The following TNS1 variants were observed in gnomAD, a reference collection of about 807,000 sequenced individuals.
TNS1 encodes the protein tensin 1.
Under a neutral mutation model 168.6 loss-of-function variants are expected in TNS1, and 62 were observed. The ratio of observed to expected loss-of-function variants is 0.37; its 90% CI spans 0.30 to 0.45. The LOEUF (loss-of-function observed/expected upper bound fraction) is 0.45. Ranked by LOEUF, TNS1 falls within the 20% of genes least tolerant of loss-of-function variation. The pLI is 1.00. For synonymous variants in TNS1, 934 were observed against 933.2 expected (o/e 1.00, Z -0.02); for missense variants, 2,240 against 2,339.4 (o/e 0.96, Z 0.88).
intron 3 of TNS1, among the ~76,000 whole-genome samples, chr2:217,956,950 A>G (rs1681821816): frequency 6.6e-6 from 1 of 152,222 alleles, no homozygotes; most frequent in South Asian, 2.1e-4. Flanking sequence ...CTGGGACGTG[A>G]CTTTCCCAGC....
chr2:217,893,395 C>CGT lies in TNS1; in HGVS notation c.717+43_717+44insAC, dbSNP rs760440155. 179 of 1,515,886 alleles carry CGT rather than the reference C, an allele frequency of 1.2e-4. 1 individual carries two copies. The African/African-American group carries it at 2.0e-3, about 17-fold the overall frequency. 93.9% of individuals were successfully genotyped at this position (1,515,886 alleles called of 1,614,324 possible). The stretch of plus-strand genomic sequence containing the variant: ...GCACACACACATGTGCGCATGTGCG[C>CGT]GCGCGCACACACACACACACACACA... On this transcript the variant is annotated intron_variant, in intron 10 of 32. Coordinates refer to ENST00000682258, the MANE Select transcript of TNS1 (RefSeq NM_001387777.1).
chr2:217,870,165 C>G (rs1046741485), intron 18 of TNS1, among the ~76,000 whole-genome samples: 4 of 152,266 alleles, frequency 2.6e-5, no homozygotes, highest in African/African-American at 7.2e-5. Flanking sequence ...GCAAAGCCAG[C>G]CCCTCTGATC....
intron 19 of TNS1, chr2:217,841,329 C>CAGGA: frequency 1.0e-6 from 1 of 969,732 alleles, no homozygotes; most frequent in South Asian, 4.8e-5. Flanking sequence ...GAGTGGGAGG[C>CAGGA]AGGAAGGAAG....
At chr2:217,949,595 C>A (rs913902322) in intron 3 of TNS1, among the ~76,000 whole-genome samples, 3 of 152,180 alleles carry the variant, frequency 2.0e-5, no homozygotes, top group African/African-American at 4.8e-5. Flanking sequence ...TCCTAGCCAG[C>A]AAGCAAAGGG....
chr2:217,826,750 G>C (rs527906680), intron 22 of TNS1, among the ~76,000 whole-genome samples: 157 of 152,320 alleles, frequency 1.0e-3, no homozygotes, highest in African/African-American at 3.5e-3. Flanking sequence ...TGGGGACAGG[G>C]AGGGTGCTTC....
chr2:217,900,164 T>C (rs1405807837), intron 7 of TNS1, among the ~76,000 whole-genome samples: 1 of 152,192 alleles, frequency 6.6e-6, no homozygotes, highest in Non-Finnish European at 1.5e-5. Flanking sequence ...CTCATCTCTC[T>C]GAAATGCTGC....
chr2:217,978,194 G>A (rs977637361), intron 3 of TNS1, among the ~76,000 whole-genome samples: 2 of 152,136 alleles, frequency 1.3e-5, no homozygotes, highest in African/African-American at 4.8e-5. Flanking sequence ...ATACTCATGG[G>A]GAAATTGAGG....
chr2:217,912,163 C>T (rs577807899), intron 4 of TNS1, among the ~76,000 whole-genome samples: 3 of 152,210 alleles, frequency 2.0e-5, no homozygotes, highest in African/African-American at 7.2e-5. Context: ...GCTGCCAGGA[C>T]GGCCTAGAGG....
chr2:217,907,071 G>A, intron 5 of TNS1, 139 bp downstream of exon 5: 1 of 631,938 alleles, frequency 1.6e-6, no homozygotes, highest in Admixed American at 2.2e-5. Flanking sequence ...CTACTTCCCT[G>A]CAAGTTCCCC....
chr2:217,903,637 A>T, intron 6 of TNS1: 1 of 1,528,326 alleles, frequency 6.5e-7, no homozygotes, highest in Non-Finnish European at 8.8e-7. Context: ...CTGAAAGGGC[A>T]CCATGAAAGG....
intron 18 of TNS1, among the ~76,000 whole-genome samples, chr2:217,856,773 C>T (rs1948189172): frequency 1.3e-5 from 2 of 152,304 alleles, no homozygotes; most frequent in Middle Eastern, 3.4e-3. Flanking sequence ...TGGGCAGGGA[C>T]AGACCAGTCC....
chr2:217,841,042 GAAC>G (rs1945879820), intron 19 of TNS1, among the ~76,000 whole-genome samples: 1 of 152,144 alleles, frequency 6.6e-6, no homozygotes, highest in Non-Finnish European at 1.5e-5. Flanking sequence ...GGAAACCAGA[GAAC>G]AACAGAAGAG....
At position 217,880,833 on chromosome 2, in the gene TNS1, C is replaced by A; in HGVS notation, c.1429+65G>T. On this transcript the variant is annotated intron_variant, in intron 18 of 32. Coordinates refer to ENST00000682258, the MANE Select transcript of TNS1 (RefSeq NM_001387777.1). The surrounding 1 kb of genome is among the most constrained non-coding windows in gnomAD (Gnocchi z 4.2). ...TCTCTTGAAAGCAGGCCAAGAGAAG[C>A]AAGGTCATGTGAGCAGAGGCTGTGC... 1 of 1,272,224 alleles carries A rather than the reference C, an allele frequency of 7.9e-7. No homozygotes were observed. The highest frequency in any genetic ancestry group is 1.1e-6 in the Non-Finnish European group (1 of 873,912). The allele number at this position is 1,272,224 out of a possible 1,614,324, so 78.8% of individuals were successfully genotyped here. A position where few individuals can be genotyped will look rare whatever the true frequency, so the allele number is the denominator to read the frequency against.
At chr2:217,967,954 T>A (rs1957688055) in intron 3 of TNS1, among the ~76,000 whole-genome samples, 1 of 152,188 alleles carries the variant, frequency 6.6e-6, no homozygotes, top group South Asian at 2.1e-4. Flanking sequence ...TTATACACCA[T>A]GACCAAATGG....
intron 3 of TNS1, among the ~76,000 whole-genome samples, chr2:217,955,652 C>A (rs576872416): frequency 4.6e-5 from 7 of 152,160 alleles, no homozygotes; most frequent in Admixed American, 3.9e-4. Flanking sequence ...CAGTGGGAGG[C>A]GGTCAACACC....
chr2:218,015,653 C>G (rs1049188946), intron 1 of TNS1, among the ~76,000 whole-genome samples: 3 of 152,208 alleles, frequency 2.0e-5, no homozygotes, highest in African/African-American at 7.2e-5. Context: ...CACCCCCACC[C>G]CCCTTTATTC....
intron 18 of TNS1, among the ~76,000 whole-genome samples, chr2:217,865,565 A>G (rs1390943421): frequency 6.6e-6 from 1 of 152,142 alleles, no homozygotes. Context: ...GCTGCTAACA[A>G]TTTTTTTAAG....
intron 3 of TNS1, 110 bp downstream of exon 3, chr2:217,978,655 G>T: frequency 1.6e-6 from 1 of 630,626 alleles, no homozygotes; most frequent in Non-Finnish European, 2.8e-6. Flanking sequence ...GAGAGGAGGA[G>T]GGACGCCCCG....
intron 11 of TNS1, 83 bp downstream of exon 11, chr2:217,892,865 G>T: frequency 6.8e-7 from 1 of 1,460,236 alleles, no homozygotes; most frequent in South Asian, 1.2e-5. Flanking sequence ...TCACTCCAGG[G>T]AGCAGAGAGG....
Sources: gnomAD v4.1 joint callset for allele counts (sites outside exome capture counted in the v4.1 genomes callset) on GRCh38, gnomAD v4.1.1 for gene constraint, Gnocchi (gnomAD v3.1) non-coding constraint, MANE v1.5 for transcripts, NCBI Gene and HGNC (gene_info 2026-07-23, HGNC 2026-07-21) for gene names.